PRKG1: variants seen among roughly 807,000 people sequenced by gnomAD.
The protein encoded by PRKG1 is cGMP-dependent protein kinase 1.
Under a neutral mutation model 88.1 loss-of-function variants are expected in PRKG1, and 35 were observed. That is an observed-to-expected ratio of 0.40 (90% CI 0.30 to 0.53). The LOEUF (loss-of-function observed/expected upper bound fraction) is 0.53, where lower values mean the gene tolerates loss of function less well. Among genes scored for constraint, PRKG1 ranks in the 20% least tolerant of loss-of-function variants. PRKG1 has a pLI of 0.59. For synonymous variants in PRKG1, 303 were observed against 292.5 expected, an observed-to-expected ratio of 1.04 and a Z score of -0.37; for missense variants, 540 against 839.8, an observed-to-expected ratio of 0.64 and a Z score of 4.41.
intron 2 of PRKG1, among the ~76,000 whole-genome samples, chr10:51,454,083 A>G (rs1051209125): frequency 6.6e-6 from 1 of 152,102 alleles, no homozygotes; most frequent in African/African-American, 2.4e-5. Flanking sequence ...ACACTGCTGA[A>G]AGAAATCATC....
At chr10:51,670,136 A>G (rs1264358551) in intron 3 of PRKG1, among the ~76,000 whole-genome samples, 1 of 151,780 alleles carries the variant, frequency 6.6e-6, no homozygotes, top group Non-Finnish European at 1.5e-5. Flanking sequence ...CATCTCTGTT[A>G]TTTTTGTTTG....
chr10:51,946,801 G>A lies in PRKG1; in HGVS notation c.762+39231G>A, dbSNP rs534536227. ...ATTTTCATGAACCGCGAATGCTGCT[G>A]TGTGATCGTTCCTCTGGAAGTTTTG... On this transcript the variant is annotated intron_variant, in intron 5 of 17. Transcript: ENST00000373980. Among the ~76,000 whole-genome samples, 236 of 152,182 alleles carry A rather than the reference G, an allele frequency of 1.6e-3. 3 individuals carry two copies. Among genetic ancestry groups the A allele is most frequent in the African/African-American group, 5.4e-3 (223 of 41,436 alleles).
intron 5 of PRKG1, among the ~76,000 whole-genome samples, chr10:51,960,703 G>A (rs1843426844): frequency 6.6e-6 from 1 of 152,142 alleles, no homozygotes; most frequent in African/African-American, 2.4e-5. Flanking sequence ...AAAGCAGATT[G>A]TCTGTGATCC....
intron 2 of PRKG1, among the ~76,000 whole-genome samples, chr10:51,191,290 G>T (rs1165308043): frequency 6.6e-6 from 1 of 151,750 alleles, no homozygotes; most frequent in Non-Finnish European, 1.5e-5. Flanking sequence ...AGCTAAGATT[G>T]CTTTTGTTTG....
intron 2 of PRKG1, among the ~76,000 whole-genome samples, chr10:51,223,352 T>C (rs1838603082): frequency 6.6e-6 from 1 of 152,168 alleles, no homozygotes; most frequent in African/African-American, 2.4e-5. Context: ...GAAAAAGATA[T>C]AAACCCCATG....
At chr10:52,177,482 G>C (rs137858644) in intron 9 of PRKG1, among the ~76,000 whole-genome samples, 3 of 152,158 alleles carry the variant, frequency 2.0e-5, no homozygotes, top group East Asian at 3.9e-4. Flanking sequence ...TTGTGTCCTT[G>C]TCTGGTTTTG....
chr10:51,286,377 A>G (rs1840441821), intron 2 of PRKG1, among the ~76,000 whole-genome samples: 1 of 152,188 alleles, frequency 6.6e-6, no homozygotes, highest in South Asian at 2.1e-4. Context: ...TCCCATCACA[A>G]CATCCCTGAC....
intron 1 of PRKG1, among the ~76,000 whole-genome samples, chr10:51,053,686 A>G (rs1843593283): frequency 6.6e-6 from 1 of 152,212 alleles, no homozygotes; most frequent in Non-Finnish European, 1.5e-5. Context: ...AAATCTGAGC[A>G]ATTTATCGAA....
intron 10 of PRKG1, among the ~76,000 whole-genome samples, chr10:52,259,537 A>G (rs1162362762): frequency 6.6e-6 from 1 of 152,070 alleles, no homozygotes; most frequent in Admixed American, 6.6e-5. Context: ...ATTTATTGCT[A>G]ATTAGTACTT....
chr10:51,594,279 C>T (rs936217471), intron 3 of PRKG1, among the ~76,000 whole-genome samples: 4 of 152,158 alleles, frequency 2.6e-5, no homozygotes, highest in Admixed American at 1.3e-4. Context: ...CTTCCCACCT[C>T]GGCCTCTAAA....
rs35117709 is a variant in PRKG1, at chr10:51,970,001, TACACACACACACACACACACACAC to T, written c.762+62458_762+62481del. On this transcript the variant is annotated intron_variant, in intron 5 of 17. Transcript: ENST00000373980. ...TTGCTTTATTTGCCCATTCTCTTCA[TACACACACACACACACACACACAC>T]ACACACACACACACACACACACACA... 3.4e-3 allele frequency among the ~76,000 whole-genome samples: 492 copies of T among 144,592 alleles called. 5 individuals are homozygous for T. The highest frequency in any genetic ancestry group is 0.012 in the African/African-American group (460 of 38,618). The allele number at this position is 144,592 out of a possible 152,430, so 94.9% of individuals were successfully genotyped here. A position where few individuals can be genotyped will look rare whatever the true frequency, so the allele number is the denominator to read the frequency against.
At chr10:51,646,643 G>A (rs1373167764) in intron 3 of PRKG1, among the ~76,000 whole-genome samples, 1 of 151,998 alleles carries the variant, frequency 6.6e-6, no homozygotes, top group Admixed American at 6.6e-5. Context: ...TCTTAAAGAA[G>A]GAAAGGGGAG....
chr10:51,804,981 T>C (rs1839267512), intron 4 of PRKG1, among the ~76,000 whole-genome samples: 1 of 152,052 alleles, frequency 6.6e-6, no homozygotes, highest in Non-Finnish European at 1.5e-5. Context: ...CATTCTCTCA[T>C]AGAAGTGAGC....
At position 51,215,524 on chromosome 10, in the gene PRKG1, G is replaced by T. The variant is rs572950741; in HGVS notation, c.478+62194G>T. Among the ~76,000 whole-genome samples the T allele has an allele frequency of 2.3e-3, 353 of 152,296 alleles. 2 individuals carry two copies. Among genetic ancestry groups the T allele is most frequent in the African/African-American group, 8.2e-3 (342 of 41,570 alleles). The stretch of plus-strand genomic sequence containing the variant: ...AAGACAGCTGAATAGAAACTGAGGG[G>T]CAAGCTTGGGGAGCCCTGTGGGATT... On this transcript the variant is annotated intron_variant, in intron 2 of 17. Coordinates refer to ENST00000373980, the MANE Select transcript of PRKG1 (RefSeq NM_006258.4).
At chr10:51,483,975 C>T (rs536816620) in intron 3 of PRKG1, among the ~76,000 whole-genome samples, 14 of 152,090 alleles carry the variant, frequency 9.2e-5, no homozygotes, top group African/African-American at 3.1e-4. Flanking sequence ...TTTTCTGACA[C>T]GTGAAAGTGG....
chr10:51,684,496 A>G (rs896986069), intron 3 of PRKG1, among the ~76,000 whole-genome samples: 5 of 152,154 alleles, frequency 3.3e-5, no homozygotes, highest in Admixed American at 6.5e-5. Context: ...GTTGATAAAA[A>G]TGTTAAAAAA....
intron 4 of PRKG1, among the ~76,000 whole-genome samples, chr10:51,870,662 C>A (rs12265543): frequency 0.012 from 1,853 of 152,176 alleles, 41 homozygotes; most frequent in African/African-American, 0.042. Flanking sequence ...CTGTCAGATT[C>A]ATTTTAATGA....
At chr10:51,170,575 G>T (rs977663699) in intron 2 of PRKG1, among the ~76,000 whole-genome samples, 2 of 151,872 alleles carry the variant, frequency 1.3e-5, no homozygotes, top group Non-Finnish European at 2.9e-5. Flanking sequence ...CTCAGGGAAG[G>T]CCTCTGTAAG....
rs182107578 is a variant in PRKG1, at chr10:52,041,000, C to T, written c.763-13484C>T. 4.6e-5 allele frequency among the ~76,000 whole-genome samples: 7 copies of T among 151,808 alleles called. No homozygotes were observed. In the East Asian group the frequency reaches 1.4e-3, roughly 29 times the overall value. ...TACAGGCGCCCGCCACCATGCCCTG[C>T]TTATTTTTTTGCATTTTTAGTAGAG... is the stretch of plus-strand genomic sequence containing the variant. On this transcript the variant is annotated intron_variant, in intron 5 of 17. Transcript: ENST00000373980.
Sources: gnomAD v4.1 joint callset for allele counts (sites outside exome capture counted in the v4.1 genomes callset) on GRCh38, gnomAD v4.1.1 for gene constraint, MANE v1.5 for transcripts, NCBI Gene and HGNC (gene_info 2026-07-23, HGNC 2026-07-21) for gene names.